The following CECR2 variants were observed in gnomAD, a reference collection of about 807,000 sequenced individuals.
The protein encoded by CECR2 is CECR2 histone acetyl-lysine reader, also known as chromatin remodeling regulator CECR2.
CECR2 carries 30 observed loss-of-function variants against 154.5 expected under a neutral mutation model. That is an observed-to-expected ratio of 0.19 (90% CI 0.15 to 0.26). The LOEUF (loss-of-function observed/expected upper bound fraction) is 0.26. Among genes scored for constraint, CECR2 ranks in the 10% least tolerant of loss-of-function variants. CECR2 has a pLI of 1.00. For missense variants in CECR2, 1,743 were observed against 1,829.3 expected (o/e 0.95, Z 0.86); for synonymous variants, 725 against 683.7 (o/e 1.06, Z -0.94).
rs2056786552 is a variant in CECR2, at chr22:17,557,409, A to G, written c.*4569A>G. ...GGTGATCCACCCGCCTTGGCCTCCC[A>G]ACATGCTGGGATTACAGGCGTGAGC... is the stretch of plus-strand genomic sequence containing the variant. On this transcript the variant is annotated 3_prime_UTR_variant, in exon 19 of 19. Coordinates refer to ENST00000262608, the MANE Select transcript of CECR2 (RefSeq NM_001290047.2). 1 of 152,020 alleles carries G rather than the reference A, an allele frequency of 6.6e-6. No individual in the cohort carries two copies. The highest frequency in any genetic ancestry group is 2.4e-5 in the African/African-American group (1 of 41,404). The allele number at this position is 152,020 out of a possible 1,614,324, so 9.4% of individuals were successfully genotyped here.
At chr22:17,447,909 G>T (rs924179845) in intron 1 of CECR2, among the ~76,000 whole-genome samples, 7 of 151,818 alleles carry the variant, frequency 4.6e-5, no homozygotes, top group Non-Finnish European at 7.4e-5. Context: ...GTTTTTAAGT[G>T]GCTATGTGGC....
At chr22:17,434,630 C>T (rs1020903825) in intron 1 of CECR2, among the ~76,000 whole-genome samples, 2 of 148,448 alleles carry the variant, frequency 1.3e-5, no homozygotes, top group Non-Finnish European at 3.0e-5. Context: ...ACCCCCCACT[C>T]TTTTTATGCC....
At chr22:17,493,271 C>T (rs1175406093) in intron 2 of CECR2, among the ~76,000 whole-genome samples, 3 of 152,190 alleles carry the variant, frequency 2.0e-5, no homozygotes, top group African/African-American at 4.8e-5. Context: ...TGCGCCCGGC[C>T]TCTTTTTCCT....
intron 8 of CECR2, among the ~76,000 whole-genome samples, chr22:17,521,059 A>G (rs1333146742): frequency 6.6e-6 from 1 of 152,150 alleles, no homozygotes; most frequent in Non-Finnish European, 1.5e-5. Context: ...TCCCACCAAC[A>G]GCGTAAAAGC....
chr22:17,491,099 C>T (rs910109380), intron 2 of CECR2, among the ~76,000 whole-genome samples: 16 of 152,188 alleles, frequency 1.1e-4, no homozygotes, highest in African/African-American at 3.6e-4. Flanking sequence ...TGTGTGGATA[C>T]ACACTTAATC....
upstream of CECR2, among the ~76,000 whole-genome samples, chr22:17,368,565 C>T (rs889870345): frequency 1.3e-5 from 2 of 152,220 alleles, no homozygotes; most frequent in African/African-American, 4.8e-5. Flanking sequence ...AGCACACACT[C>T]CAACACCCTT....
chr22:17,466,245 A>T (rs537317934), intron 1 of CECR2, among the ~76,000 whole-genome samples: 12 of 152,166 alleles, frequency 7.9e-5, no homozygotes, highest in Non-Finnish European at 1.3e-4. Context: ...TTTAAAATGG[A>T]TTCAATCAAG....
intron 6 of CECR2, among the ~76,000 whole-genome samples, chr22:17,504,575 C>T (rs1467690716): frequency 3.3e-5 from 5 of 151,768 alleles, no homozygotes; most frequent in Admixed American, 1.3e-4. Context: ...TAGCTAGGAT[C>T]ACAGGCGCCC....
At chr22:17,492,946 TC>T (rs1320454616) in intron 2 of CECR2, among the ~76,000 whole-genome samples, 4 of 152,122 alleles carry the variant, frequency 2.6e-5, no homozygotes, top group African/African-American at 7.2e-5. Context: ...CTGTTCTTTT[TC>T]CTTTATTTTA....
intron 1 of CECR2, among the ~76,000 whole-genome samples, chr22:17,385,047 C>T (rs2063242484): frequency 2.6e-5 from 4 of 152,202 alleles, no homozygotes; most frequent in African/African-American, 7.2e-5. Flanking sequence ...GCAGTTTCCT[C>T]ACCTTTCTAA....
At chr22:17,535,317 CAAAA>C (rs556845647) in intron 9 of CECR2, among the ~76,000 whole-genome samples, 5 of 141,564 alleles carry the variant, frequency 3.5e-5, no homozygotes, top group African/African-American at 1.3e-4. Context: ...GACTCCATCT[CAAAA>C]AAAAAAAAAT....
intron 2 of CECR2, among the ~76,000 whole-genome samples, chr22:17,496,392 C>T (rs369553828): frequency 2.0e-5 from 3 of 151,502 alleles, no homozygotes; most frequent in African/African-American, 2.4e-5. Context: ...CCCAGCTACT[C>T]GGGAGGCTGA....
At chr22:17,483,756 C>A (rs2055370751) in intron 2 of CECR2, among the ~76,000 whole-genome samples, 1 of 151,994 alleles carries the variant, frequency 6.6e-6, no homozygotes, top group African/African-American at 2.4e-5. Context: ...ATAGTATAGC[C>A]TAAGTTTACA....
At chr22:17,469,609 T>C (rs965973717) in intron 1 of CECR2, among the ~76,000 whole-genome samples, 1 of 141,816 alleles carries the variant, frequency 7.1e-6, no homozygotes, top group African/African-American at 2.7e-5. Context: ...TTTTTTTTTT[T>C]CCAGTAAGAA....
At chr22:17,422,832 A>G (rs2054276850) in intron 1 of CECR2, among the ~76,000 whole-genome samples, 1 of 151,750 alleles carries the variant, frequency 6.6e-6, no homozygotes, top group African/African-American at 2.4e-5. Flanking sequence ...TTCTGTCACC[A>G]TGCTTTGCTC....
chr22:17,557,054 C>T lies in CECR2; in HGVS notation c.*4214C>T, dbSNP rs2056780004. 1 of 151,924 alleles carries T rather than the reference C, an allele frequency of 6.6e-6. No homozygotes were observed. Among genetic ancestry groups the T allele is most frequent in the Non-Finnish European group, 1.5e-5 (1 of 68,010 alleles). The allele number at this position is 151,924 out of a possible 1,614,324, so 9.4% of individuals were successfully genotyped here. A position where few individuals can be genotyped will look rare whatever the true frequency, so the allele number is the denominator to read the frequency against. On this transcript the variant is annotated 3_prime_UTR_variant, in exon 19 of 19. Transcript: ENST00000262608. Reference sequence around the variant, plus strand: ...ATTTCTTTTTTGGGTTGGACTCTGCCGTGCAGCCATAGGACACCAAGCCTC... The same window carrying T: ...ATTTCTTTTTTGGGTTGGACTCTGCTGTGCAGCCATAGGACACCAAGCCTC...
intron 9 of CECR2, among the ~76,000 whole-genome samples, chr22:17,526,691 C>A (rs2146973615): frequency 6.6e-6 from 1 of 151,670 alleles, no homozygotes; most frequent in East Asian, 1.9e-4. Flanking sequence ...CACCGGTAAT[C>A]CCAGCTACTC....
At position 17,538,738 on chromosome 22, in the gene CECR2, G is replaced by A. The variant is rs759585871; in HGVS notation, c.1368+7G>A. On this transcript the variant is annotated splice_region_variant and intron_variant, in intron 12 of 18. Coordinates refer to ENST00000262608, the MANE Select transcript of CECR2 (RefSeq NM_001290047.2). ...CTATTATCAGATTATTAAGGTAGAA[G>A]TTGTCTTTGCAGTAATGCCTACTAT... The A allele has an allele frequency of 6.2e-7, 1 of 1,611,192 alleles. No homozygotes were observed. The highest frequency in any genetic ancestry group is 1.7e-5 in the Admixed American group (1 of 59,986).
intron 1 of CECR2, among the ~76,000 whole-genome samples, chr22:17,460,716 A>G (rs2054924768): frequency 6.6e-6 from 1 of 152,152 alleles, no homozygotes; most frequent in Non-Finnish European, 1.5e-5. Context: ...CATCCCCGGT[A>G]TCCTTATGTC....
Sources: gnomAD v4.1 joint callset for allele counts (sites outside exome capture counted in the v4.1 genomes callset) on GRCh38, gnomAD v4.1.1 for gene constraint, MANE v1.5 for transcripts, NCBI Gene and HGNC (gene_info 2026-07-23, HGNC 2026-07-21) for gene names.